The following FIP1L1 variants were observed in gnomAD, a reference collection of about 807,000 sequenced individuals.
FIP1L1 encodes the protein factor interacting with PAPOLA and CPSF1.
In FIP1L1, 21 loss-of-function variants were observed where a neutral mutation model predicts 84.6. The ratio of observed to expected loss-of-function variants is 0.25; its 90% confidence interval spans 0.18 to 0.36. The LOEUF (loss-of-function observed/expected upper bound fraction) is 0.36, where lower values mean the gene tolerates loss of function less well. Among genes scored for constraint, FIP1L1 ranks in the 10% least tolerant of loss-of-function variants. FIP1L1 has a pLI of 1.00. For missense variants in FIP1L1, 526 were observed against 751.1 expected (o/e 0.70, Z 3.50); for synonymous variants, 263 against 242.3 (o/e 1.09, Z -0.80).
intron 3 of FIP1L1, 85 bp from the exon 4 acceptor site, chr4:53,382,193 A>AT (rs1738451412): frequency 1.1e-6 from 1 of 932,844 alleles, no homozygotes; most frequent in Non-Finnish European, 1.7e-6. Context: ...TAGGAGCTTT[A>AT]TTAAAGCTTA....
At chr4:53,441,548 T>C (rs1771936133) in intron 13 of FIP1L1, among the ~76,000 whole-genome samples, 1 of 151,942 alleles carries the variant, frequency 6.6e-6, no homozygotes, top group African/African-American at 2.4e-5. Flanking sequence ...AATTTTGTAC[T>C]TTTAAGATGT....
intron 5 of FIP1L1, among the ~76,000 whole-genome samples, chr4:53,388,658 A>G (rs929637924): frequency 6.6e-6 from 1 of 152,164 alleles, no homozygotes; most frequent in Non-Finnish European, 1.5e-5. Flanking sequence ...GTTTTTGTTC[A>G]GTGGGAGTTG....
At chr4:53,426,812 G>A (rs1372157192) in intron 12 of FIP1L1, among the ~76,000 whole-genome samples, 1 of 152,060 alleles carries the variant, frequency 6.6e-6, no homozygotes, top group Non-Finnish European at 1.5e-5. Context: ...TCTGGAGGTG[G>A]CGTAGAGCTG....
At chr4:53,425,504 T>C (rs1341725061) in intron 11 of FIP1L1, among the ~76,000 whole-genome samples, 1 of 152,128 alleles carries the variant, frequency 6.6e-6, no homozygotes, top group Non-Finnish European at 1.5e-5. Flanking sequence ...AGCTGTAGTA[T>C]GTGTTACAAT....
chr4:53,439,541 A>AT (rs1560569429), intron 13 of FIP1L1, among the ~76,000 whole-genome samples: 1 of 152,080 alleles, frequency 6.6e-6, no homozygotes, highest in Non-Finnish European at 1.5e-5. Flanking sequence ...TTTGAAAACA[A>AT]TTCTGTTTCT....
intron 16 of FIP1L1, among the ~76,000 whole-genome samples, chr4:53,453,505 G>A (rs1717228269): frequency 6.6e-6 from 1 of 152,092 alleles, no homozygotes; most frequent in Non-Finnish European, 1.5e-5. Flanking sequence ...AGACGGTCTT[G>A]CTTTGTCATC....
chr4:53,399,934 C>CA lies in FIP1L1; in HGVS notation c.815+95_815+96insA, dbSNP rs1749371840. On this transcript the variant is annotated intron_variant, in intron 10 of 17. Coordinates refer to ENST00000337488, the MANE Select transcript of FIP1L1 (RefSeq NM_030917.4). ...AAGTATAAAAGCTCTGAATGTTTTA[C>CA]CAAAAAACTGGAACATTTTACTTTG... is the stretch of plus-strand genomic sequence containing the variant. 12 of 803,054 alleles carry CA rather than the reference C, an allele frequency of 1.5e-5. No homozygotes were observed. The Admixed American group carries it at 3.1e-4, about 21-fold the overall frequency. The allele number at this position is 803,054 out of a possible 1,614,324, so 49.7% of individuals were successfully genotyped here.
intron 11 of FIP1L1, among the ~76,000 whole-genome samples, chr4:53,423,652 T>C (rs994079171): frequency 2.0e-5 from 3 of 152,188 alleles, no homozygotes; most frequent in African/African-American, 7.2e-5. Context: ...ATGATTAAAG[T>C]AAATCAGTTT....
chr4:53,399,803 C>T lies in FIP1L1; in HGVS notation c.779C>T (p.Pro260Leu), dbSNP rs748472020. The change falls in exon 10 of 18, where the codon CCT becomes CTT. Residue 260 changes from proline (P) to leucine (L), a missense_variant. Transcript: ENST00000337488. ...TCTACAAAAGCTGAGTTTACTTCTC[C>T]TCCTTCTTTGTTCAAGACTGGGCTT... The part of the protein sequence containing the change: ...LPSTKAEFTS[P>L]PSLFKTGLPP... 4 of 1,613,158 alleles carry T rather than the reference C, an allele frequency of 2.5e-6. No individual in the cohort carries two copies. The highest frequency in any genetic ancestry group is 1.1e-5 in the South Asian group (1 of 91,024).
chr4:53,392,681 T>G (rs1312376354), intron 9 of FIP1L1, among the ~76,000 whole-genome samples: 2 of 152,198 alleles, frequency 1.3e-5, no homozygotes, highest in African/African-American at 4.8e-5. Context: ...AACTGTTAGC[T>G]TCTGTATACT....
intron 9 of FIP1L1, among the ~76,000 whole-genome samples, chr4:53,398,875 G>C (rs114324547): frequency 1.2e-4 from 18 of 152,082 alleles, no homozygotes; most frequent in African/African-American, 3.9e-4. Flanking sequence ...GAGAAGGCTG[G>C]GCCTGGTGGC....
intron 15 of FIP1L1, among the ~76,000 whole-genome samples, chr4:53,450,886 C>T (rs139025909): frequency 9.9e-4 from 151 of 152,042 alleles, no homozygotes; most frequent in African/African-American, 3.5e-3. Context: ...ATTACATCAT[C>T]CATCTTCATG....
chr4:53,440,414 A>G (rs577414436), intron 13 of FIP1L1, among the ~76,000 whole-genome samples: 1 of 152,044 alleles, frequency 6.6e-6, no homozygotes, highest in South Asian at 2.1e-4. Flanking sequence ...TGGATGTTAT[A>G]CTCGAATTGT....
At chr4:53,404,841 C>G (rs966151246) in intron 10 of FIP1L1, among the ~76,000 whole-genome samples, 15 of 151,876 alleles carry the variant, frequency 9.9e-5, no homozygotes, top group African/African-American at 3.6e-4. Context: ...TGTCCTTCAC[C>G]CACTTTTTGA....
At chr4:53,420,506 T>A (rs1215782877) in intron 11 of FIP1L1, among the ~76,000 whole-genome samples, 1 of 151,722 alleles carries the variant, frequency 6.6e-6, no homozygotes, top group East Asian at 1.9e-4. Context: ...GCTTTATCAG[T>A]CTCTTTAAAT....
intron 13 of FIP1L1, among the ~76,000 whole-genome samples, chr4:53,441,521 T>G (rs750640027): frequency 2.3e-4 from 35 of 151,966 alleles, no homozygotes; most frequent in Non-Finnish European, 3.2e-4. Context: ...ACTTTAGGAC[T>G]AATGTGGTAA....
At chr4:53,408,870 A>G (rs575895499) in intron 10 of FIP1L1, among the ~76,000 whole-genome samples, 31 of 152,036 alleles carry the variant, frequency 2.0e-4, no homozygotes, top group African/African-American at 7.5e-4. Context: ...ACTTCTCTGT[A>G]TTGGTTATTC....
chr4:53,407,215 G>T (rs1225856491), intron 10 of FIP1L1, among the ~76,000 whole-genome samples: 2 of 152,032 alleles, frequency 1.3e-5, no homozygotes, highest in Non-Finnish European at 2.9e-5. Flanking sequence ...TTGTGTCTTT[G>T]TTCTCGTTGG....
rs77390354 is a variant in FIP1L1, at chr4:53,457,458, A to C, written c.1500-1195A>C. 4.3e-3 allele frequency among the ~76,000 whole-genome samples: 659 copies of C among 152,242 alleles called. 2 individuals carry two copies. Among genetic ancestry groups the C allele is most frequent in the Non-Finnish European group, 7.5e-3 (507 of 67,996 alleles). On this transcript the variant is annotated intron_variant, in intron 16 of 17. Transcript: ENST00000337488. Reference sequence around the variant, plus strand: ...TACATTTTCTGTTTTTTTAAATAAGATTCTAAAATTTTAATGTATCACAGA... The same window carrying C: ...TACATTTTCTGTTTTTTTAAATAAGCTTCTAAAATTTTAATGTATCACAGA...
Sources: gnomAD v4.1 joint callset for allele counts (sites outside exome capture counted in the v4.1 genomes callset) on GRCh38, gnomAD v4.1.1 for gene constraint, MANE v1.5 for transcripts, NCBI Gene and HGNC (gene_info 2026-07-23, HGNC 2026-07-21) for gene names.